Variants in SF3B1 observed in about 807,000 individuals in gnomAD.
SF3B1 encodes the protein pre-mRNA processing 10.
In SF3B1, 12 loss-of-function variants were observed where a neutral mutation model predicts 153.8. That is an observed-to-expected ratio of 0.08 (90% CI 0.05 to 0.13). The LOEUF is 0.13. Among genes scored for constraint, SF3B1 ranks in the 10% least tolerant of loss-of-function variants. SF3B1 has a pLI of 1.00. For missense variants in SF3B1, 513 were observed against 1,606.1 expected, an observed-to-expected ratio of 0.32 and a Z score of 11.63; for synonymous variants, 498 against 525.2, an observed-to-expected ratio of 0.95 and a Z score of 0.71.
chr2:197,433,361 G>A (rs1206269211), intron 1 of SF3B1, among the ~76,000 whole-genome samples: 1 of 152,200 alleles, frequency 6.6e-6, no homozygotes, highest in African/African-American at 2.4e-5. Context: ...CAGGAAAACT[G>A]ATCAGAATTC....
chr2:197,403,453 A>G, intron 12 of SF3B1, 132 bp downstream of exon 12: 1 of 547,004 alleles, frequency 1.8e-6, no homozygotes, highest in South Asian at 3.3e-5. Flanking sequence ...CATCTGTATA[A>G]AACTGTATTT....
chr2:197,420,372 G>A (rs747856489), intron 4 of SF3B1, 56 bp downstream of exon 4: 11 of 1,353,700 alleles, frequency 8.1e-6, no homozygotes, highest in Non-Finnish European at 1.2e-5. Flanking sequence ...AAGGGCTAAA[G>A]ACAACTTAAT....
rs2085289715 is a variant in SF3B1, at chr2:197,423,987, AAC to A, written c.29-15_29-14del. ...TGTGCTTCAATATCTATAAAAAGATAACACAGACTTTCTTAATTTCACTTTCC... is the reference window on the plus strand; with the variant it reads ...TGTGCTTCAATATCTATAAAAAGATAACAGACTTTCTTAATTTCACTTTCC... On this transcript the variant is annotated splice_polypyrimidine_tract_variant and intron_variant, in intron 1 of 24. Transcript: ENST00000335508. The A allele has an allele frequency of 1.3e-6, 2 of 1,592,856 alleles. No individual in the cohort carries two copies. The highest frequency in any genetic ancestry group is 1.7e-6 in the Non-Finnish European group (2 of 1,174,720).
chr2:197,409,217 T>C (rs985100672), intron 7 of SF3B1, among the ~76,000 whole-genome samples: 25 of 151,912 alleles, frequency 1.6e-4, no homozygotes, highest in African/African-American at 4.6e-4. Context: ...CTGACCAGCA[T>C]AGAGAAACCC....
In SF3B1 at chr2:197,401,623, C is replaced by T. The variant is rs1342780039; in HGVS notation, c.2371-98G>A. 6 of 1,487,650 alleles carry T rather than the reference C, an allele frequency of 4.0e-6. No individual in the cohort carries two copies. Among genetic ancestry groups the T allele is most frequent in the Non-Finnish European group, 5.5e-6 (6 of 1,088,752 alleles). The allele number at this position is 1,487,650 out of a possible 1,614,324, so 92.2% of individuals were successfully genotyped here. Reference sequence around the variant, plus strand: ...GATTTTAAAAAATAAAATTTAAAAACAAATCAAACAGTATTCGTGTAACAT... The same window carrying T: ...GATTTTAAAAAATAAAATTTAAAAATAAATCAAACAGTATTCGTGTAACAT... On this transcript the variant is annotated intron_variant, in intron 16 of 24. Transcript: ENST00000335508. The surrounding 1 kb of genome is among the most constrained non-coding windows in gnomAD (Gnocchi z 4.2).
At chr2:197,405,213 A>C (rs1289874444) in intron 10 of SF3B1, 36 bp from the exon 11 acceptor site, 2 of 1,596,190 alleles carry the variant, frequency 1.3e-6, no homozygotes, top group Admixed American at 3.4e-5. Flanking sequence ...AGGGAAGTTG[A>C]AATGTTATGA....
rs528008202 is a variant in SF3B1 at position 197,392,221 on chromosome 2, T to C, written c.*82A>G. 82 of 667,984 alleles carry C rather than the reference T, an allele frequency of 1.2e-4. No individual in the cohort carries two copies. The highest frequency in any genetic ancestry group is 2.0e-4 in the Non-Finnish European group (76 of 372,030). The allele number at this position is 667,984 out of a possible 1,614,324, so 41.4% of individuals were successfully genotyped here. A position where few individuals can be genotyped will look rare whatever the true frequency, so the allele number is the denominator to read the frequency against. Reference sequence around the variant, plus strand: ...TGACCAGTTCTACACTGATCTGCAATGTTTAAAAGTTTACATCACCAAATC... The same window carrying C: ...TGACCAGTTCTACACTGATCTGCAACGTTTAAAAGTTTACATCACCAAATC... On this transcript the variant is annotated 3_prime_UTR_variant, in exon 25 of 25. Coordinates refer to ENST00000335508, the MANE Select transcript of SF3B1 (RefSeq NM_012433.4).
intron 1 of SF3B1, 78 bp from the exon 2 acceptor site, chr2:197,424,052 A>G: frequency 8.6e-7 from 1 of 1,156,902 alleles, no homozygotes; most frequent in South Asian, 1.4e-5. Flanking sequence ...TTTACTAGGT[A>G]ATTATCAAAA....
At chr2:197,398,142 T>C in intron 21 of SF3B1, 26 bp from the exon 22 acceptor site, 4 of 1,557,496 alleles carry the variant, frequency 2.6e-6, no homozygotes, top group Non-Finnish European at 3.5e-6. Context: ...CACATATTAA[T>C]TATTGTGACA....
At chr2:197,412,768 T>C (rs948895381) in intron 6 of SF3B1, among the ~76,000 whole-genome samples, 1 of 151,024 alleles carries the variant, frequency 6.6e-6, no homozygotes, top group African/African-American at 2.4e-5. Flanking sequence ...GTGGGTCACC[T>C]GAGGTTGGGA....
intron 2 of SF3B1, among the ~76,000 whole-genome samples, chr2:197,421,509 T>A (rs1165057205): frequency 2.0e-5 from 3 of 152,248 alleles, no homozygotes; most frequent in African/African-American, 7.2e-5. Context: ...TCATGTTTTT[T>A]AACACAATTT....
At position 197,429,331 on chromosome 2, in the gene SF3B1, A is replaced by C. The variant is rs1218601977; in HGVS notation, c.29-5357T>G. Among the ~76,000 whole-genome samples, 3 of 152,316 alleles carry C rather than the reference A, an allele frequency of 2.0e-5. No individual in the cohort carries two copies. In the East Asian group the frequency reaches 5.8e-4, roughly 29 times the overall value. Reference sequence around the variant, plus strand: ...TTCCAATTTCCACACTGTTGTGCACATCAATAGTTTCTGCCTTTTTATTAC... The same window carrying C: ...TTCCAATTTCCACACTGTTGTGCACCTCAATAGTTTCTGCCTTTTTATTAC... On this transcript the variant is annotated intron_variant, in intron 1 of 24. Coordinates refer to ENST00000335508, the MANE Select transcript of SF3B1 (RefSeq NM_012433.4).
chr2:197,399,321 CAG>C lies in SF3B1; in HGVS notation c.3013+732_3013+733del, dbSNP rs1219748059. The stretch of plus-strand genomic sequence containing the variant: ...CTCTTACAAAATGAGGAAAAACAAA[CAG>C]TGGCTCTCTCACAGTCAGCTATTTT... On this transcript the variant is annotated intron_variant, in intron 20 of 24. Coordinates refer to ENST00000335508, the MANE Select transcript of SF3B1 (RefSeq NM_012433.4). Among the ~76,000 whole-genome samples the C allele has an allele frequency of 2.6e-5, 4 of 152,262 alleles. No individual in the cohort carries two copies. In the East Asian group the frequency reaches 7.7e-4, roughly 29 times the overall value.
chr2:197,390,150 T>C lies in SF3B1; in HGVS notation c.*2153A>G, dbSNP rs1240866807. ...TATTTGGTCCCAATGTTTTAGGTCA[T>C]AGCTTTCACTACTTCCCTCCTCTCT... On this transcript the variant is annotated 3_prime_UTR_variant, in exon 25 of 25. Coordinates refer to ENST00000335508, the MANE Select transcript of SF3B1 (RefSeq NM_012433.4). The C allele has an allele frequency of 6.6e-6, 1 of 152,238 alleles. No individual in the cohort carries two copies. The highest frequency in any genetic ancestry group is 1.5e-5 in the Non-Finnish European group (1 of 68,038). 9.4% of individuals were successfully genotyped at this position (152,238 alleles called of 1,614,324 possible). A position where few individuals can be genotyped will look rare whatever the true frequency, so the allele number is the denominator to read the frequency against.
At chr2:197,423,088 T>C (rs144167574) in intron 2 of SF3B1, among the ~76,000 whole-genome samples, 1 of 151,324 alleles carries the variant, frequency 6.6e-6, no homozygotes, top group Non-Finnish European at 1.5e-5. Flanking sequence ...TCAATATCAG[T>C]ACTAAGAAAA....
intron 5 of SF3B1, 71 bp from the exon 6 acceptor site, chr2:197,416,982 T>C: frequency 1.4e-6 from 2 of 1,425,410 alleles, no homozygotes; most frequent in Non-Finnish European, 1.9e-6. Flanking sequence ...CGCAATCACT[T>C]CCACTTAACA....
chr2:197,395,968 TA>T, intron 23 of SF3B1, 87 bp downstream of exon 23: 2 of 1,204,988 alleles, frequency 1.7e-6, no homozygotes, highest in Non-Finnish European at 2.3e-6. Flanking sequence ...TATGTTACAG[TA>T]AAAAGTCATC....
At chr2:197,396,865 T>G (rs1201598463) in intron 22 of SF3B1, among the ~76,000 whole-genome samples, 1 of 152,218 alleles carries the variant, frequency 6.6e-6, no homozygotes, top group African/African-American at 2.4e-5. Flanking sequence ...ACAAAAGCTA[T>G]TCTTGCAAAT....
chr2:197,414,252 G>A (rs183187348), intron 6 of SF3B1, among the ~76,000 whole-genome samples: 1 of 152,336 alleles, frequency 6.6e-6, no homozygotes, highest in African/African-American at 2.4e-5. Flanking sequence ...AATACGTCAA[G>A]CTGAACAAAT....
Sources: gnomAD v4.1 joint callset for allele counts (sites outside exome capture counted in the v4.1 genomes callset) on GRCh38, gnomAD v4.1.1 for gene constraint, Gnocchi (gnomAD v3.1) non-coding constraint, MANE v1.5 for transcripts, NCBI Gene and HGNC (gene_info 2026-07-23, HGNC 2026-07-21) for gene names.